Variants in RPS20 observed in about 807,000 individuals in gnomAD.
RPS20 encodes small ribosomal subunit protein uS10.
A neutral mutation model predicts 15.3 loss-of-function variants in RPS20; 3 were observed. That is an observed-to-expected ratio of 0.20 (90% CI 0.09 to 0.51). RPS20 has a LOEUF of 0.51. RPS20 is among the 20% of genes least tolerant of loss of function. The probability of loss-of-function intolerance (pLI) is 0.96; values close to 1 mark genes in which losing one functional copy is unlikely to be tolerated. For missense variants in RPS20, 67 were observed against 145.9 expected (o/e 0.46, Z 2.79); for synonymous variants, 62 against 47.8 (o/e 1.30, Z -1.23).
downstream of RPS20, chr8:56,069,669 T>C (rs1328862053): frequency 6.0e-6 from 8 of 1,329,222 alleles, no homozygotes; most frequent in Non-Finnish European, 2.1e-6. Context: ...CAAAAAAGAA[T>C]ACACTTCAGC....
chr8:56,074,499 T>A lies in RPS20; in HGVS notation c.-116A>T. On this transcript the variant is annotated 5_prime_UTR_variant, in exon 1 of 4. Transcript: ENST00000009589. ...CTCAGCCCTTACGACCGCGTCTTCC[T>A]CAAAAAGAAAGGGGTGGGACTTGAG... is the stretch of plus-strand genomic sequence containing the variant. 8.4e-7 allele frequency: 1 copy of A among 1,189,946 alleles called. No homozygotes were observed. The highest frequency in any genetic ancestry group is 1.2e-6 in the Non-Finnish European group (1 of 851,022). The allele number at this position is 1,189,946 out of a possible 1,614,324, so 73.7% of individuals were successfully genotyped here. A position where few individuals can be genotyped will look rare whatever the true frequency, so the allele number is the denominator to read the frequency against.
chr8:56,072,646 TA>T (rs1380715592), downstream of RPS20, among the ~76,000 whole-genome samples: 2 of 152,006 alleles, frequency 1.3e-5, no homozygotes, highest in Non-Finnish European at 2.9e-5. Context: ...CCTAAAACCC[TA>T]AAACTTAGTT....
chr8:56,069,871 A>G, downstream of RPS20: 1 of 953,754 alleles, frequency 1.0e-6, no homozygotes, highest in East Asian at 2.6e-5. Flanking sequence ...AATTGTCTCT[A>G]CTGCACATGT....
chr8:56,068,807 CTTTTTTTTTTTTTTTTTTTT>C (rs61576194), downstream of RPS20, among the ~76,000 whole-genome samples: 32 of 27,690 alleles, frequency 1.2e-3, 2 homozygotes, highest in Admixed American at 5.6e-3. Flanking sequence ...GTGAAAATAT[CTTTTTTTTTTTTTTTTTTTT>C]TTTTTTTTTT....
downstream of RPS20, among the ~76,000 whole-genome samples, chr8:56,070,174 T>C (rs970776417): frequency 6.6e-6 from 1 of 152,176 alleles, no homozygotes; most frequent in Non-Finnish European, 1.5e-5. Flanking sequence ...ATCTATTCCC[T>C]TAACAAGTTA....
intron 3 of RPS20, 58 bp from the exon 4 acceptor site, chr8:56,073,330 A>G: frequency 9.4e-7 from 1 of 1,060,072 alleles, no homozygotes; most frequent in Non-Finnish European, 1.4e-6. Context: ...TCCCTAGAAC[A>G]TCTGGAAAAT....
chr8:56,074,033 T>TC lies in RPS20; in HGVS notation c.103+26dup, dbSNP rs561220809. On this transcript the variant is annotated intron_variant, in intron 2 of 3. Transcript: ENST00000009589. ...TCGTCGCTTTTCGCCCAATTCCCCC[T>TC]CCCCCCCGCATAACGAATGCACTGA... 101 of 1,531,196 alleles carry TC rather than the reference T, an allele frequency of 6.6e-5. 1 individual carries two copies. Among genetic ancestry groups the TC allele is most frequent in the African/African-American group, 4.1e-4 (30 of 73,308 alleles). The allele number at this position is 1,531,196 out of a possible 1,614,324, so 94.9% of individuals were successfully genotyped here.
chr8:56,072,097 GCATGGTAGCCA>G (rs1453557475), downstream of RPS20, among the ~76,000 whole-genome samples: 2 of 152,056 alleles, frequency 1.3e-5, no homozygotes, highest in Non-Finnish European at 2.9e-5. Context: ...AATTAGCTGG[GCATGGTAGCCA>G]CATGCTTGTT....
downstream of RPS20, chr8:56,072,944 G>C (rs1045235671): frequency 2.1e-6 from 3 of 1,415,022 alleles, no homozygotes; most frequent in Middle Eastern, 5.3e-4. Context: ...AACGAAAACA[G>C]GATAGACCAC....
exon 6 of RPS20, chr8:56,067,694 AAAAAGGGAAAAATCCT>A (rs1809650676): frequency 6.6e-6 from 1 of 152,226 alleles, no homozygotes; most frequent in Non-Finnish European, 1.5e-5. Context: ...TGAAAAAAAA[AAAAAGGGAAAAATCCT>A]GCCACATGAT....
chr8:56,070,216 GAC>G (rs1287403201), downstream of RPS20, among the ~76,000 whole-genome samples: 2 of 152,140 alleles, frequency 1.3e-5, no homozygotes, highest in Non-Finnish European at 2.9e-5. Flanking sequence ...GTCTCCCAGA[GAC>G]AGTGAACACC....
At position 56,073,138 on chromosome 8, in the gene RPS20, G is replaced by A. The variant is rs755842545; in HGVS notation, c.312C>T (p.Ile104=). The A allele has an allele frequency of 6.3e-7, 1 of 1,597,804 alleles. No individual in the cohort carries two copies. The highest frequency in any genetic ancestry group is 8.5e-7 in the Non-Finnish European group (1 of 1,179,294). The part of the protein sequence containing the change: ...PSEIVKQITS[I]SIEPGVEVEV... ...CCACCTCAACTCCTGGCTCAATACT[G>A]ATGGAAGTAATCTGCTTAACAATCT... Residue 104 remains isoleucine (I), a synonymous_variant, in exon 4 of 4, where the codon ATC becomes ATT. Transcript: ENST00000009589.
At chr8:56,072,614 AT>A (rs1326756949), downstream of RPS20, among the ~76,000 whole-genome samples, 2 of 151,736 alleles carry the variant, frequency 1.3e-5, no homozygotes, top group Non-Finnish European at 2.9e-5. Context: ...AAATATAAGT[AT>A]TTTTAAACTA....
chr8:56,074,045 A>G lies in RPS20; in HGVS notation c.103+15T>C. The G allele has an allele frequency of 6.2e-7, 1 of 1,600,410 alleles. No homozygotes were observed. Among genetic ancestry groups the G allele is most frequent in the South Asian group, 1.1e-5 (1 of 90,790 alleles). ...GCCCAATTCCCCCTCCCCCCCGCATAACGAATGCACTGACCCTTTTCCAAG... is the reference window on the plus strand; with the variant it reads ...GCCCAATTCCCCCTCCCCCCCGCATGACGAATGCACTGACCCTTTTCCAAG... On this transcript the variant is annotated intron_variant, in intron 2 of 3. Coordinates refer to ENST00000009589, the MANE Select transcript of RPS20 (RefSeq NM_001023.4).
At chr8:56,071,943 T>C (rs925246799), downstream of RPS20, among the ~76,000 whole-genome samples, 5 of 152,304 alleles carry the variant, frequency 3.3e-5, no homozygotes, top group Admixed American at 2.6e-4. Flanking sequence ...AGGGTATCTA[T>C]CTGATTTTAA....
downstream of RPS20, among the ~76,000 whole-genome samples, chr8:56,070,712 C>G (rs951382705): frequency 6.9e-6 from 1 of 145,954 alleles, no homozygotes; most frequent in African/African-American, 2.5e-5. Flanking sequence ...CTGGGTGACA[C>G]AGCGAGACTG....
downstream of RPS20, chr8:56,072,819 A>G: frequency 8.9e-7 from 1 of 1,122,208 alleles, no homozygotes; most frequent in Non-Finnish European, 1.1e-6. Context: ...CCCCATACCA[A>G]TCAGAATTTA....
At chr8:56,070,699 A>C (rs2129212491), downstream of RPS20, among the ~76,000 whole-genome samples, 1 of 151,850 alleles carries the variant, frequency 6.6e-6, no homozygotes, top group Admixed American at 6.6e-5. Context: ...ACTGCACTCC[A>C]ACCTGGGTGA....
chr8:56,073,620 G>C (rs1424741531), intron 3 of RPS20, 75 bp downstream of exon 3: 28 of 1,265,496 alleles, frequency 2.2e-5, no homozygotes, highest in Non-Finnish European at 3.1e-5. Context: ...TTTGGCAGCC[G>C]AACTCCTTAA....
Sources: gnomAD v4.1 joint callset for allele counts (sites outside exome capture counted in the v4.1 genomes callset) on GRCh38, gnomAD v4.1.1 for gene constraint, MANE v1.5 for transcripts, NCBI Gene and HGNC (gene_info 2026-07-23, HGNC 2026-07-21) for gene names.